Variants in DAB1 observed in about 807,000 individuals in gnomAD.
DAB1 encodes DAB adaptor protein 1, also known as disabled homolog 1.
Under a neutral mutation model 64.6 loss-of-function variants are expected in DAB1, and 15 were observed. The ratio of observed to expected loss-of-function variants is 0.23; its 90% confidence interval spans 0.16 to 0.36. DAB1 has a LOEUF of 0.36. Among genes scored for constraint, DAB1 ranks in the 10% least tolerant of loss-of-function variants. The pLI is 1.00. For missense variants in DAB1, 596 were observed against 706.7 expected, an observed-to-expected ratio of 0.84 and a Z score of 1.78; for synonymous variants, 235 against 251.9, an observed-to-expected ratio of 0.93 and a Z score of 0.64.
At chr1:57,082,423 T>C (rs562534000) in intron 4 of DAB1, among the ~76,000 whole-genome samples, 6 of 152,344 alleles carry the variant, frequency 3.9e-5, no homozygotes, top group African/African-American at 9.6e-5. Flanking sequence ...AAGTGCTTCA[T>C]GTTAGAGTTG....
intron 6 of DAB1, among the ~76,000 whole-genome samples, chr1:57,812,462 G>A (rs1219530278): frequency 6.6e-6 from 1 of 152,170 alleles, no homozygotes; most frequent in Non-Finnish European, 1.5e-5. Context: ...GAGTGAAGAT[G>A]TGTGCATGCA....
chr1:57,253,609 C>G, intron 2 of DAB1, among the ~76,000 whole-genome samples: 1 of 152,128 alleles, frequency 6.6e-6, no homozygotes, highest in Non-Finnish European at 1.5e-5. Flanking sequence ...AAAACCACCA[C>G]AAAATAAAAC....
intron 7 of DAB1, among the ~76,000 whole-genome samples, chr1:57,568,417 T>G (rs1276751732): frequency 1.3e-5 from 2 of 152,104 alleles, no homozygotes; most frequent in African/African-American, 2.4e-5. Context: ...AAAGCCAAAA[T>G]TGACAAATGG....
At chr1:58,330,262 A>G (rs1407092417) in intron 4 of DAB1, among the ~76,000 whole-genome samples, 1 of 152,242 alleles carries the variant, frequency 6.6e-6, no homozygotes, top group Non-Finnish European at 1.5e-5. Flanking sequence ...CCTAATCCAG[A>G]GCAAAGCCCC....
chr1:57,458,001 A>G (rs568685722), intron 7 of DAB1, among the ~76,000 whole-genome samples: 2 of 152,284 alleles, frequency 1.3e-5, no homozygotes, highest in East Asian at 1.9e-4. Flanking sequence ...TGAAATCAAT[A>G]ACAACAGACT....
chr1:58,000,460 A>G (rs934435946), intron 5 of DAB1, among the ~76,000 whole-genome samples: 2 of 151,282 alleles, frequency 1.3e-5, no homozygotes, highest in Non-Finnish European at 2.9e-5. Context: ...TTTCTCCAGC[A>G]TGAGCTCCAG....
At chr1:58,175,590 C>T (rs541366895) in intron 4 of DAB1, among the ~76,000 whole-genome samples, 1 of 152,292 alleles carries the variant, frequency 6.6e-6, no homozygotes, top group East Asian at 1.9e-4. Flanking sequence ...ACTCTTTTTG[C>T]ATGCTTATTA....
intron 4 of DAB1, among the ~76,000 whole-genome samples, chr1:58,311,968 A>G (rs1428896210): frequency 6.6e-6 from 1 of 152,216 alleles, no homozygotes; most frequent in Non-Finnish European, 1.5e-5. Context: ...AGTTGATGGC[A>G]AAGCAGGGAT....
intron 6 of DAB1, among the ~76,000 whole-genome samples, chr1:57,809,515 C>T (rs112493727): frequency 0.03 from 4,575 of 152,214 alleles, 244 homozygotes; most frequent in African/African-American, 0.1. Flanking sequence ...AAAGTTAGTA[C>T]TCCCTTTACC....
chr1:57,604,408 GAAA>G (rs34728915), intron 7 of DAB1, among the ~76,000 whole-genome samples: 39 of 140,072 alleles, frequency 2.8e-4, no homozygotes, highest in South Asian at 1.6e-3. Flanking sequence ...TATTATAAAA[GAAA>G]AAAAAAAAAA....
rs1237793431 is a variant in DAB1, at chr1:58,186,395, T to C, written n.310-35807A>G. On this transcript the variant is annotated intron_variant and non_coding_transcript_variant, in intron 4 of 20. Transcript: ENST00000485760. ...AATTGATTACTTTTTGCTTAAATTATTGTATTGTCATCTGCAACCAAGAAG... is the reference window on the plus strand; with the variant it reads ...AATTGATTACTTTTTGCTTAAATTACTGTATTGTCATCTGCAACCAAGAAG... Among the ~76,000 whole-genome samples, 4 of 152,366 alleles carry C rather than the reference T, an allele frequency of 2.6e-5. No individual in the cohort carries two copies. The East Asian group carries it at 5.8e-4, about 22-fold the overall frequency.
intron 2 of DAB1, among the ~76,000 whole-genome samples, chr1:57,160,411 A>G (rs1010261929): frequency 6.6e-6 from 1 of 152,174 alleles, no homozygotes; most frequent in Non-Finnish European, 1.5e-5. Flanking sequence ...CAGGTGTGCT[A>G]AAAAAGAAAG....
At chr1:57,364,909 G>A (rs1679852660) in intron 1 of DAB1, among the ~76,000 whole-genome samples, 1 of 148,974 alleles carries the variant, frequency 6.7e-6, no homozygotes, top group Admixed American at 6.7e-5. Flanking sequence ...ACAAAATTCA[G>A]GTTAGAAGTT....
chr1:57,730,625 G>A (rs546105967), intron 6 of DAB1, among the ~76,000 whole-genome samples: 3 of 152,292 alleles, frequency 2.0e-5, no homozygotes, highest in African/African-American at 7.2e-5. Flanking sequence ...CATGGTTGTG[G>A]AACTTTGAAT....
At chr1:57,421,835 T>C (rs918405667) in intron 1 of DAB1, among the ~76,000 whole-genome samples, 2 of 144,678 alleles carry the variant, frequency 1.4e-5, no homozygotes, top group Non-Finnish European at 3.0e-5. Flanking sequence ...AAATCTTTGA[T>C]CACTTTCAGT....
intron 3 of DAB1, among the ~76,000 whole-genome samples, chr1:58,361,772 C>A (rs1484198339): frequency 6.6e-6 from 1 of 151,790 alleles, no homozygotes; most frequent in Non-Finnish European, 1.5e-5. Context: ...GTCTTACCTG[C>A]CTTCTCTGCT....
intron 1 of DAB1, among the ~76,000 whole-genome samples, chr1:57,859,959 G>T: frequency 6.6e-6 from 1 of 152,146 alleles, no homozygotes; most frequent in East Asian, 1.9e-4. Flanking sequence ...GTCACTTCTT[G>T]CATTTGTGTT....
At chr1:57,196,628 TTCAA>T (rs1664645128) in intron 2 of DAB1, among the ~76,000 whole-genome samples, 1 of 152,220 alleles carries the variant, frequency 6.6e-6, no homozygotes, top group Non-Finnish European at 1.5e-5. Flanking sequence ...CTGTGCACCT[TTCAA>T]AGGGGTCAAC....
intron 1 of DAB1, among the ~76,000 whole-genome samples, chr1:57,837,707 T>G (rs998982994): frequency 2.0e-5 from 3 of 152,072 alleles, no homozygotes; most frequent in Non-Finnish European, 4.4e-5. Flanking sequence ...CATACACACA[T>G]GCTTGATTCA....
Sources: allele counts gnomAD v4.1 joint callset (sites outside exome capture counted in the v4.1 genomes callset), GRCh38; gene constraint gnomAD v4.1.1; transcripts MANE v1.5; gene names NCBI Gene and HGNC (gene_info 2026-07-23, HGNC 2026-07-21).